The following TRPM4 variants were observed in gnomAD, a reference collection of about 807,000 sequenced individuals.
The protein encoded by TRPM4 is calcium-activated non-selective cation channel 1.
Under a neutral mutation model 135.6 loss-of-function variants are expected in TRPM4, and 124 were observed. The ratio of observed to expected loss-of-function variants is 0.91; its 90% CI spans 0.79 to 1.06. The LOEUF is 1.06. TRPM4 is among the 50% of genes least tolerant of loss of function. TRPM4 has a pLI of 0.00. For missense variants in TRPM4, 1,658 were observed against 1,671.4 expected (o/e 0.99, Z 0.14); for synonymous variants, 745 against 705.6 (o/e 1.06, Z -0.88).
intron 3 of TRPM4, chr19:49,167,579 CTCTCTCTGGGTCTCTGTCCCA>C (rs1568458237): frequency 5.0e-5 from 15 of 297,606 alleles, no homozygotes; most frequent in South Asian, 3.5e-5. Context: ...CTCTGTCCCT[CTCTCTCTGGGTCTCTGTCCCA>C]TCTCTCTGGG....
intron 20 of TRPM4, among the ~76,000 whole-genome samples, chr19:49,208,934 G>A (rs983453525): frequency 1.3e-5 from 2 of 150,126 alleles, no homozygotes; most frequent in Non-Finnish European, 2.9e-5. Context: ...ACTCCAGCCT[G>A]TGGGACAGAG....
chr19:49,183,127 G>T lies in TRPM4; in HGVS notation c.1658G>T (p.Gly553Val), dbSNP rs750970384. 1 of 1,613,772 alleles carries T rather than the reference G, an allele frequency of 6.2e-7. No individual in the cohort carries two copies. The highest frequency in any genetic ancestry group is 8.5e-7 in the Non-Finnish European group (1 of 1,180,028). The change falls in exon 12 of 25, where the codon GGC (glycine) becomes GTC (valine). Residue 553 changes from glycine to valine, a missense_variant. By Grantham distance (109) the Gly-to-Val change is moderately radical. This residue lies in a region of TRPM4 where 1,412 missense variants were observed against 1,408.7 expected (regional missense o/e 1.00). Coordinates refer to ENST00000252826, the MANE Select transcript of TRPM4 (RefSeq NM_017636.4). ...KATSPLSLDAGLGQAPWSDLL... is the reference protein window; with the variant it reads ...KATSPLSLDAVLGQAPWSDLL... The stretch of plus-strand genomic sequence containing the variant: ...ACCTCGCCGCTCTCGCTGGATGCTG[G>T]CCTCGGGCAGGCCCCCTGGAGCGAC...
intron 15 of TRPM4, 101 bp from the exon 16 acceptor site, chr19:49,190,595 C>A: frequency 1.6e-6 from 2 of 1,252,878 alleles, no homozygotes; most frequent in Non-Finnish European, 2.3e-6. Flanking sequence ...CTCTCTGTCC[C>A]TCTGCCATGT....
intron 2 of TRPM4, among the ~76,000 whole-genome samples, chr19:49,164,358 TCCTTAG>T (rs1967086202): frequency 9.2e-6 from 1 of 109,192 alleles, no homozygotes; most frequent in South Asian, 3.5e-4. Flanking sequence ...TTCCTTTCTT[TCCTTAG>T]TTTTTTTTTT....
intron 16 of TRPM4, among the ~76,000 whole-genome samples, chr19:49,192,102 G>A (rs1035659957): frequency 2.6e-5 from 4 of 152,318 alleles, no homozygotes; most frequent in Admixed American, 2.6e-4. Context: ...TATTTTAAAA[G>A]TCAGGCCTAA....
Position 49,210,502 on chromosome 19 carries a change from G to T in TRPM4, c.3328+97G>T. The T allele has an allele frequency of 6.7e-7, 1 of 1,498,616 alleles. No individual in the cohort carries two copies. The highest frequency in any genetic ancestry group is 2.3e-5 in the East Asian group (1 of 43,360). 92.8% of individuals were successfully genotyped at this position (1,498,616 alleles called of 1,614,324 possible). On this transcript the variant is annotated intron_variant, in intron 21 of 24. Coordinates refer to ENST00000252826, the MANE Select transcript of TRPM4 (RefSeq NM_017636.4). The surrounding 1 kb of genome is among the most constrained non-coding windows in gnomAD (Gnocchi z 4.1). The stretch of plus-strand genomic sequence containing the variant: ...CATGCCCCAAATGACTAACGGGCGT[G>T]GCTTAGGTAGCGAGGGGCGGGGTTT...
intron 2 of TRPM4, among the ~76,000 whole-genome samples, 157 bp from the exon 3 acceptor site, chr19:49,165,884 G>A (rs1246051811): frequency 2.6e-5 from 4 of 152,168 alleles, no homozygotes; most frequent in African/African-American, 4.8e-5. Context: ...TCTCCCCGAG[G>A]CCGTCAGAGC....
In TRPM4 at chr19:49,210,731, C is replaced by T. The variant is rs757255259; in HGVS notation, c.3350C>T (p.Ala1117Val). ...EHFRVYLSKEAERKLLTWESV... is the reference protein window; with the variant it reads ...EHFRVYLSKEVERKLLTWESV... Reference sequence around the variant, plus strand: ...GCAGGGGTTTACCTTTCTAAGGAAGCCGAGCGGAAGCTGCTAACGTGGGAA... The same window carrying T: ...GCAGGGGTTTACCTTTCTAAGGAAGTCGAGCGGAAGCTGCTAACGTGGGAA... The change falls in exon 22 of 25, where the codon GCC (alanine) becomes GTC (valine). Residue 1117 changes from alanine to valine, a missense_variant. By Grantham distance (64) the Ala-to-Val change is moderately conservative. This residue lies in a region of TRPM4 where 1,412 missense variants were observed against 1,408.7 expected (regional missense o/e 1.00). Coordinates refer to ENST00000252826, the MANE Select transcript of TRPM4 (RefSeq NM_017636.4). The surrounding 1 kb of genome is among the most constrained non-coding windows in gnomAD (Gnocchi z 4.1). 6.2e-7 allele frequency: 1 copy of T among 1,614,188 alleles called. No individual in the cohort carries two copies. Among genetic ancestry groups the T allele is most frequent in the Non-Finnish European group, 8.5e-7 (1 of 1,180,044 alleles).
In TRPM4 at chr19:49,196,836, A is replaced by G. The variant is rs758595728; in HGVS notation, c.2607A>G (p.Leu869=). The change falls in exon 17 of 25, where the codon CTA becomes CTG. Residue 869 remains leucine (L), a synonymous_variant. Transcript: ENST00000252826. ...CCGACAGCTGGAACCAGTGCGACCT[A>G]GTGGCTCTCACCTGCTTCCTCCTGG... is the stretch of plus-strand genomic sequence containing the variant. ...YLADSWNQCD[L]VALTCFLLGV... 3.8e-6 allele frequency: 6 copies of G among 1,591,180 alleles called. No homozygotes were observed. The highest frequency in any genetic ancestry group is 1.8e-4 in the Middle Eastern group (1 of 5,628).
At chr19:49,179,481 C>T (rs186684437) in intron 9 of TRPM4, among the ~76,000 whole-genome samples, 406 of 152,198 alleles carry the variant, frequency 2.7e-3, no homozygotes, top group African/African-American at 9.4e-3. Flanking sequence ...TCCCAAGTAG[C>T]TGGGACTACA....
chr19:49,175,099 G>A lies in TRPM4; in HGVS notation c.1150+2991G>A, dbSNP rs188171940. 6.7e-3 allele frequency among the ~76,000 whole-genome samples: 768 copies of A among 115,048 alleles called. 12 individuals carry two copies. The highest frequency in any genetic ancestry group is 0.034 in the African/African-American group (733 of 21,340). 75.5% of individuals were successfully genotyped at this position (115,048 alleles called of 152,430 possible). A position where few individuals can be genotyped will look rare whatever the true frequency, so the allele number is the denominator to read the frequency against. On this transcript the variant is annotated intron_variant, in intron 9 of 24. Coordinates refer to ENST00000252826, the MANE Select transcript of TRPM4 (RefSeq NM_017636.4). Reference sequence around the variant, plus strand: ...TTTTTTTTTTTTTTTTTTTGAGACGGAGTTTCGCTCTTGTTGTCCAGGCTG... The same window carrying A: ...TTTTTTTTTTTTTTTTTTTGAGACGAAGTTTCGCTCTTGTTGTCCAGGCTG...
chr19:49,180,945 T>C lies in TRPM4; in HGVS notation c.1151-404T>C, dbSNP rs546763537. On this transcript the variant is annotated intron_variant, in intron 9 of 24. Transcript: ENST00000252826. ...ATCCATCCATCCTAATCATATTATA[T>C]GCCTACCTCTGAGGGCACCAAGCAC... is the stretch of plus-strand genomic sequence containing the variant. Among the ~76,000 whole-genome samples the C allele has an allele frequency of 1.8e-3, 281 of 152,256 alleles. 1 individual carries two copies. The highest frequency in any genetic ancestry group is 5.0e-3 in the Admixed American group (76 of 15,266).
intron 20 of TRPM4, among the ~76,000 whole-genome samples, chr19:49,209,696 A>G (rs1408219899): frequency 6.7e-6 from 1 of 149,124 alleles, no homozygotes; most frequent in Non-Finnish European, 1.5e-5. Context: ...CCGTGATACC[A>G]TCCCAACTTG....
Position 49,211,677 on chromosome 19 carries a change from CG to C in TRPM4, c.*181del, listed in dbSNP as rs1969376675. 1 of 800,276 alleles carries C rather than the reference CG, an allele frequency of 1.2e-6. No individual in the cohort carries two copies. Among genetic ancestry groups the C allele is most frequent in the South Asian group, 1.5e-5 (1 of 68,022 alleles). The allele number at this position is 800,276 out of a possible 1,614,324, so 49.6% of individuals were successfully genotyped here. A position where few individuals can be genotyped will look rare whatever the true frequency, so the allele number is the denominator to read the frequency against. On this transcript the variant is annotated 3_prime_UTR_variant, in exon 25 of 25. Transcript: ENST00000252826. The surrounding 1 kb of genome is among the most constrained non-coding windows in gnomAD (Gnocchi z 4.8). ...TCATCCTTACAAACCACAGCATGCC[CG>C]GCTCCTCCCAGAACCAGTCCCAGCC...
rs869079125 is a variant in TRPM4 at position 49,182,941 on chromosome 19, TG to T, written c.1608+25del. The T allele has an allele frequency of 1.2e-5, 19 of 1,583,110 alleles. No homozygotes were observed. Among genetic ancestry groups the T allele is most frequent in the African/African-American group, 4.0e-5 (3 of 74,376 alleles). ...GGAGAGCGTAAGGACCGGGCAAAGC[TG>T]GGGGGCCCCCCCGCGCGGGAAGGAC... On this transcript the variant is annotated intron_variant, in intron 11 of 24. Transcript: ENST00000252826.
chr19:49,191,248 C>A (rs1968401447), intron 16 of TRPM4, among the ~76,000 whole-genome samples: 1 of 152,090 alleles, frequency 6.6e-6, no homozygotes, highest in Admixed American at 6.6e-5. Flanking sequence ...CTCAGTTGCC[C>A]AGGCTGGAGT....
intron 6 of TRPM4, 103 bp downstream of exon 6, chr19:49,168,839 T>A: frequency 8.2e-7 from 1 of 1,216,772 alleles, no homozygotes; most frequent in Non-Finnish European, 1.2e-6. Flanking sequence ...GGGAATTACC[T>A]ATGGTTAAGT....
At chr19:49,204,925 C>T (rs1969090166) in intron 20 of TRPM4, among the ~76,000 whole-genome samples, 1 of 145,396 alleles carries the variant, frequency 6.9e-6, no homozygotes, top group Non-Finnish European at 1.5e-5. Flanking sequence ...CTGTTTGCTT[C>T]CTTTCTTGTT....
intron 12 of TRPM4, among the ~76,000 whole-genome samples, chr19:49,183,423 G>A (rs542663112): frequency 1.3e-5 from 2 of 152,230 alleles, no homozygotes; most frequent in Non-Finnish European, 2.9e-5. Context: ...TTGAGACAGA[G>A]TCTCGCTCTG....
Sources: allele counts gnomAD v4.1 joint callset (sites outside exome capture counted in the v4.1 genomes callset), GRCh38; gene constraint gnomAD v4.1.1; regional missense constraint gnomAD v4.1.1; non-coding constraint Gnocchi (gnomAD v3.1); transcripts MANE v1.5; gene names NCBI Gene and HGNC (gene_info 2026-07-23, HGNC 2026-07-21).